The following SLC35F3 variants were observed in gnomAD, a reference collection of about 807,000 sequenced individuals.
SLC35F3 encodes the protein putative thiamine transporter SLC35F3.
Under a neutral mutation model 49.9 loss-of-function variants are expected in SLC35F3, and 25 were observed. The observed-to-expected ratio is 0.50, with a 90% CI of 0.37 to 0.70. The LOEUF (loss-of-function observed/expected upper bound fraction) is 0.70, where lower values mean the gene tolerates loss of function less well. Among genes scored for constraint, SLC35F3 ranks in the 30% least tolerant of loss-of-function variants. SLC35F3 has a pLI of 0.00. For missense variants in SLC35F3, 525 were observed against 639.8 expected (o/e 0.82, Z 1.94); for synonymous variants, 275 against 265.4 (o/e 1.04, Z -0.35).
intron 2 of SLC35F3, among the ~76,000 whole-genome samples, chr1:234,217,325 C>CAAA (rs1667136992): frequency 2.0e-5 from 3 of 152,216 alleles, no homozygotes; most frequent in Non-Finnish European, 4.4e-5. Context: ...TCCAACCCTA[C>CAAA]TCTGTGTCCT....
intron 2 of SLC35F3, among the ~76,000 whole-genome samples, chr1:234,180,758 T>C (rs1413737963): frequency 6.6e-6 from 1 of 152,222 alleles, no homozygotes; most frequent in African/African-American, 2.4e-5. Context: ...AGTCATCACA[T>C]ACCCAGGCAG....
intron 3 of SLC35F3, among the ~76,000 whole-genome samples, chr1:234,298,488 C>A (rs2102989205): frequency 6.6e-6 from 1 of 152,282 alleles, no homozygotes; most frequent in South Asian, 2.1e-4. Context: ...ATGATAGTGG[C>A]TTAGACGAAG....
intron 4 of SLC35F3, among the ~76,000 whole-genome samples, chr1:234,310,968 C>T (rs1657340371): frequency 6.6e-6 from 1 of 152,140 alleles, no homozygotes; most frequent in Non-Finnish European, 1.5e-5. Context: ...CCATGGTGGC[C>T]ACTTGATTGG....
intron 2 of SLC35F3, among the ~76,000 whole-genome samples, chr1:234,206,407 G>C (rs1666970481): frequency 6.7e-6 from 1 of 150,194 alleles, no homozygotes; most frequent in African/African-American, 2.5e-5. Flanking sequence ...GCACCCAAAG[G>C]GTTCTCACTG....
At chr1:234,166,622 A>G (rs1666324827) in intron 2 of SLC35F3, among the ~76,000 whole-genome samples, 1 of 152,176 alleles carries the variant, frequency 6.6e-6, no homozygotes, top group African/African-American at 2.4e-5. Context: ...AGAGAGGACC[A>G]GGTGGCCCAA....
chr1:233,913,087 C>T (rs1327816735), intron 2 of SLC35F3, among the ~76,000 whole-genome samples: 1 of 152,164 alleles, frequency 6.6e-6, no homozygotes, highest in Non-Finnish European at 1.5e-5. Context: ...GATCAGTTTG[C>T]AGTGCCTGGG....
Position 234,323,491 on chromosome 1 carries a change from A to T in SLC35F3, c.*248A>T, listed in dbSNP as rs1657682230. 1.9e-6 allele frequency: 1 copy of T among 532,740 alleles called. No homozygotes were observed. Among genetic ancestry groups the T allele is most frequent in the Admixed American group, 3.3e-5 (1 of 30,064 alleles). The allele number at this position is 532,740 out of a possible 1,614,324, so 33.0% of individuals were successfully genotyped here. A position where few individuals can be genotyped will look rare whatever the true frequency, so the allele number is the denominator to read the frequency against. On this transcript the variant is annotated 3_prime_UTR_variant, in exon 8 of 8. Coordinates refer to ENST00000366618, the MANE Select transcript of SLC35F3 (RefSeq NM_173508.4). This position sits in a 1 kb window ranked among gnomAD's most constrained non-coding sequence, Gnocchi z 4.5. ...TTCCAACGAATGTAAAGTGGGTTTA[A>T]AAGTTCCCTGCGTAGATCGTTTTGG...
intron 2 of SLC35F3, among the ~76,000 whole-genome samples, chr1:234,121,953 C>T (rs1326034833): frequency 7.7e-6 from 1 of 130,470 alleles, no homozygotes; most frequent in Non-Finnish European, 1.7e-5. Context: ...TTTCTTAATC[C>T]AGTCTATCAA....
intron 3 of SLC35F3, among the ~76,000 whole-genome samples, chr1:234,302,947 G>A (rs1668716908): frequency 6.6e-6 from 1 of 152,144 alleles, no homozygotes; most frequent in Non-Finnish European, 1.5e-5. Context: ...GTAAAAAGGA[G>A]CAACTTCTTC....
intron 2 of SLC35F3, among the ~76,000 whole-genome samples, chr1:234,120,155 T>C (rs1665550111): frequency 6.6e-6 from 1 of 152,214 alleles, no homozygotes; most frequent in Non-Finnish European, 1.5e-5. Flanking sequence ...AGGTGACCTC[T>C]CTGTGTTTCT....
intron 2 of SLC35F3, among the ~76,000 whole-genome samples, chr1:233,922,505 T>TTC (rs1553286718): frequency 1.5e-4 from 18 of 120,650 alleles, no homozygotes; most frequent in Admixed American, 3.2e-4. Context: ...TTTTTTTTTT[T>TTC]CTTGTAAATT....
intron 2 of SLC35F3, among the ~76,000 whole-genome samples, chr1:234,078,177 A>G (rs1024842594): frequency 6.6e-6 from 1 of 151,878 alleles, no homozygotes. Context: ...CCTTTCCTCT[A>G]CCATTTAAAT....
At chr1:234,123,761 T>G (rs1665609520) in intron 2 of SLC35F3, among the ~76,000 whole-genome samples, 1 of 152,078 alleles carries the variant, frequency 6.6e-6, no homozygotes, top group South Asian at 2.1e-4. Context: ...TGATATTCCC[T>G]TTATCTGTGA....
At chr1:234,200,411 A>C in intron 2 of SLC35F3, among the ~76,000 whole-genome samples, 1 of 152,070 alleles carries the variant, frequency 6.6e-6, no homozygotes, top group South Asian at 2.1e-4. Flanking sequence ...ATTTTCTCCT[A>C]TTCTATGGGT....
At chr1:234,266,113 G>C (rs564162410) in intron 3 of SLC35F3, among the ~76,000 whole-genome samples, 269 of 152,318 alleles carry the variant, frequency 1.8e-3, no homozygotes, top group African/African-American at 6.3e-3. Context: ...TTTGCTCTCT[G>C]TACTAGGATA....
chr1:234,021,918 A>C (rs944194809), intron 2 of SLC35F3, among the ~76,000 whole-genome samples: 4 of 152,126 alleles, frequency 2.6e-5, no homozygotes, highest in African/African-American at 9.7e-5. Context: ...CCAAGAGTGT[A>C]TTGTGCCCAG....
chr1:234,047,486 A>G (rs1422387826), intron 2 of SLC35F3, among the ~76,000 whole-genome samples: 9 of 152,216 alleles, frequency 5.9e-5, no homozygotes, highest in Admixed American at 1.3e-4. Flanking sequence ...TTCAGCTGGG[A>G]TAACAGCTTT....
chr1:234,184,519 G>C (rs1293941462), intron 2 of SLC35F3, among the ~76,000 whole-genome samples: 1 of 152,170 alleles, frequency 6.6e-6, no homozygotes, highest in South Asian at 2.1e-4. Context: ...TATGAGACCT[G>C]ACATTTTGTC....
At chr1:234,064,443 G>T (rs1664586443) in intron 2 of SLC35F3, among the ~76,000 whole-genome samples, 1 of 151,960 alleles carries the variant, frequency 6.6e-6, no homozygotes, top group East Asian at 1.9e-4. Flanking sequence ...TTCTTTTTAG[G>T]ATTCAGTGGA....
Sources: allele counts gnomAD v4.1 joint callset (sites outside exome capture counted in the v4.1 genomes callset), GRCh38; gene constraint gnomAD v4.1.1; non-coding constraint Gnocchi (gnomAD v3.1); transcripts MANE v1.5; gene names NCBI Gene and HGNC (gene_info 2026-07-23, HGNC 2026-07-21).